RIF1: variants seen among roughly 807,000 people sequenced by gnomAD.
RIF1 encodes the protein telomere-associated protein RIF1.
A neutral mutation model predicts 247.1 loss-of-function variants in RIF1; 45 were observed. The observed-to-expected ratio is 0.18, with a 90% CI of 0.14 to 0.23. The LOEUF (loss-of-function observed/expected upper bound fraction) is 0.23. Ranked by LOEUF, RIF1 falls within the 10% of genes least tolerant of loss-of-function variation. RIF1 has a pLI of 1.00. For synonymous variants in RIF1, 1,087 were observed against 978.8 expected, an observed-to-expected ratio of 1.11 and a Z score of -2.06; for missense variants, 2,967 against 2,862.5, an observed-to-expected ratio of 1.04 and a Z score of -0.83.
intron 13 of RIF1, chr2:151,506,412 C>T: frequency 1.6e-6 from 1 of 624,540 alleles, no homozygotes; most frequent in Non-Finnish European, 2.9e-6. Context: ...ATTTCCATGT[C>T]AGTATCAGTG....
At position 151,465,624 on chromosome 2, in the gene RIF1, A is replaced by G. The variant is rs1469139217; in HGVS notation, c.6104A>G (p.His2035Arg). The part of the protein sequence containing the change: ...MIGEAMAETG[H>R]DGETENEGIT... ...GGCGAGGCAATGGCTGAAACTGGCC[A>G]TGATGGTGAAACAGAGAATGAGGGC... The change falls in exon 30 of 36, where the codon CAT becomes CGT. Residue 2035 changes from histidine (H) to arginine (R), a missense_variant. By Grantham distance (29) the His-to-Arg change is conservative. Around this residue, in one of 7 missense-constraint regions of RIF1, gnomAD observed 2,028 missense variants for 1,825.6 expected, o/e 1.11. Transcript: ENST00000444746. 6.8e-6 allele frequency: 11 copies of G among 1,613,996 alleles called. No homozygotes were observed. In the Admixed American group the frequency reaches 8.3e-5, roughly 12 times the overall value.
chr2:151,455,389 C>G (rs1695017704), intron 22 of RIF1, among the ~76,000 whole-genome samples: 1 of 152,072 alleles, frequency 6.6e-6, no homozygotes, highest in Admixed American at 6.5e-5. Flanking sequence ...CTTTTCAATG[C>G]TTACCTTTTC....
At chr2:151,424,067 G>A (rs78470348) in intron 8 of RIF1, among the ~76,000 whole-genome samples, 3 of 152,204 alleles carry the variant, frequency 2.0e-5, no homozygotes, top group Non-Finnish European at 4.4e-5. Context: ...TAACATATAT[G>A]CCCTTCCGTG....
chr2:151,454,949 T>TGACTTC lies in RIF1; in HGVS notation c.2400_2405dup (p.Thr801_Ser802dup). The TGACTTC allele has an allele frequency of 6.2e-7, 1 of 1,613,062 alleles. No homozygotes were observed. The highest frequency in any genetic ancestry group is 1.1e-5 in the South Asian group (1 of 90,938). Reference sequence around the variant, plus strand: ...AAGAAGAATGAGCCCCTAGGGAAATTGACTTCTTTATTTAAACTTATTGTG... The same window carrying TGACTTC: ...AAGAAGAATGAGCCCCTAGGGAAATTGACTTCGACTTCTTTATTTAAACTTATTGTG... On this transcript the variant is annotated inframe_insertion, in exon 22 of 36. Coordinates refer to ENST00000444746, the MANE Select transcript of RIF1 (RefSeq NM_018151.5).
At chr2:151,498,096 T>A (rs145603467) in intron 10 of RIF1, 17 of 1,473,608 alleles carry the variant, frequency 1.2e-5, no homozygotes, top group Middle Eastern at 2.3e-4. Flanking sequence ...AAGTAAAAAA[T>A]TGACATTAAC....
At position 151,480,868 on chromosome 2, in the gene RIF1, T is replaced by G. The variant is rs1486222379; in HGVS notation, c.*5797T>G. The G allele has an allele frequency of 6.6e-6, 1 of 152,224 alleles. No individual in the cohort carries two copies. The highest frequency in any genetic ancestry group is 1.5e-5 in the Non-Finnish European group (1 of 68,040). 9.4% of individuals were successfully genotyped at this position (152,224 alleles called of 1,614,324 possible). The stretch of plus-strand genomic sequence containing the variant: ...GGATGGCAGTCTTAACTCCTAAGTT[T>G]TTTACAGAGCACAGATTGGTAAACT... On this transcript the variant is annotated 3_prime_UTR_variant, in exon 36 of 36. Transcript: ENST00000444746.
chr2:151,494,250 A>C, intron 9 of RIF1: 2 of 1,592,650 alleles, frequency 1.3e-6, no homozygotes, highest in Non-Finnish European at 1.7e-6. Flanking sequence ...TCTTTGTACA[A>C]AACCTATGGG....
Position 151,410,928 on chromosome 2 carries a change from A to G in RIF1, c.105-332A>G, listed in dbSNP as rs566340544. Among the ~76,000 whole-genome samples the G allele has an allele frequency of 6.6e-5, 10 of 152,206 alleles. No individual in the cohort carries two copies. The South Asian group carries it at 8.3e-4, about 13-fold the overall frequency. ...TGCAAAATGCTTCAAAGTAATTTTC[A>G]TAGAAATGTACTAAAGTTTTGTAAA... is the stretch of plus-strand genomic sequence containing the variant. On this transcript the variant is annotated intron_variant, in intron 2 of 35. Coordinates refer to ENST00000444746, the MANE Select transcript of RIF1 (RefSeq NM_018151.5).
intron 8 of RIF1, chr2:151,423,732 A>G (rs4491723): frequency 0.23 from 34,420 of 152,182 alleles, 4,654 homozygotes; most frequent in Admixed American, 0.36. Flanking sequence ...ACTACTATGA[A>G]TAATGAGAGA....
At chr2:151,429,162 A>G (rs945249505) in intron 9 of RIF1, among the ~76,000 whole-genome samples, 3 of 152,216 alleles carry the variant, frequency 2.0e-5, no homozygotes, top group African/African-American at 7.2e-5. Context: ...GTGAAAAATA[A>G]TGATTTGTGG....
In RIF1 at chr2:151,446,448, G is replaced by A. The variant is rs373542145; in HGVS notation, c.2117G>A (p.Arg706Lys). The change falls in exon 20 of 36, where the codon AGA becomes AAA. Residue 706 changes from arginine (R) to lysine (K), a missense_variant. Transcript: ENST00000444746. Reference protein sequence around the residue: ...FPVATMKTLLRTWSELYRAFA... With the variant: ...FPVATMKTLLKTWSELYRAFA... ...TAGGCCACCATGAAGACTTTGCTTA[G>A]AACTTGGTCAGAATTATATAGAGCA... 1.5e-5 allele frequency: 24 copies of A among 1,613,946 alleles called. No individual in the cohort carries two copies. The Admixed American group carries it at 1.7e-4, about 11-fold the overall frequency.
At chr2:151,519,590 G>T in the RIF1 span, 2 of 1,143,128 alleles carry the variant, frequency 1.7e-6, no homozygotes, top group Admixed American at 1.8e-5. Flanking sequence ...CTACTGAATT[G>T]CACACTTAAA....
downstream of RIF1, chr2:151,508,058 A>G (rs781419958): frequency 5.0e-6 from 8 of 1,611,202 alleles, no homozygotes; most frequent in Admixed American, 5.0e-5. Context: ...GGGGTGTCCA[A>G]AACAGTCTCA....
intron 21 of RIF1, among the ~76,000 whole-genome samples, chr2:151,452,002 T>G (rs1270177458): frequency 2.0e-5 from 3 of 152,216 alleles, no homozygotes; most frequent in African/African-American, 7.2e-5. Flanking sequence ...ACAAATGGTT[T>G]TACTCATTCC....
chr2:151,457,105 A>G (rs1695331788), intron 23 of RIF1, among the ~76,000 whole-genome samples: 1 of 148,710 alleles, frequency 6.7e-6, no homozygotes, highest in South Asian at 2.1e-4. Flanking sequence ...TTTTTTAAGG[A>G]TTTAATACTT....
intron 9 of RIF1, chr2:151,490,585 T>G (rs951514452): frequency 2.0e-5 from 31 of 1,530,342 alleles, no homozygotes; most frequent in African/African-American, 2.7e-5. Context: ...TGCCTAACAG[T>G]GATTGAATCT....
chr2:151,513,597 T>C, the RIF1 span: 1 of 1,607,484 alleles, frequency 6.2e-7, no homozygotes, highest in African/African-American at 1.3e-5. Flanking sequence ...GCAATATCAG[T>C]AGCATTCCTG....
intron 19 of RIF1, among the ~76,000 whole-genome samples, 191 bp downstream of exon 19, chr2:151,445,636 CT>C (rs1693132157): frequency 6.6e-6 from 1 of 152,074 alleles, no homozygotes; most frequent in Non-Finnish European, 1.5e-5. Flanking sequence ...CAACCTCTGC[CT>C]TCTGGGTTCA....
chr2:151,448,336 G>C (rs550786156), intron 20 of RIF1, among the ~76,000 whole-genome samples: 2 of 152,134 alleles, frequency 1.3e-5, no homozygotes, highest in African/African-American at 4.8e-5. Context: ...GAGCCGCCGC[G>C]CCCAGCCAAA....
Sources: gnomAD v4.1 joint callset for allele counts (sites outside exome capture counted in the v4.1 genomes callset) on GRCh38, gnomAD v4.1.1 for gene constraint, gnomAD v4.1.1 regional missense constraint, MANE v1.5 for transcripts, NCBI Gene and HGNC (gene_info 2026-07-23, HGNC 2026-07-21) for gene names.